TNNI3K: variants seen among roughly 807,000 people sequenced by gnomAD.
TNNI3K encodes TNNI3 interacting kinase, also known as serine/threonine-protein kinase TNNI3K.
A neutral mutation model predicts 114.5 loss-of-function variants in TNNI3K; 140 were observed. That is an observed-to-expected ratio of 1.22 (90% confidence interval 1.07 to 1.41). The LOEUF is 1.41. Ranked by LOEUF, TNNI3K falls within the 40% of genes most tolerant of loss-of-function variation. The probability of loss-of-function intolerance (pLI) is 0.00; values close to 1 mark genes in which losing one functional copy is unlikely to be tolerated. For synonymous variants in TNNI3K, 347 were observed against 347.5 expected, an observed-to-expected ratio of 1.00 and a Z score of 0.02; for missense variants, 1,125 against 1,007.6, an observed-to-expected ratio of 1.12 and a Z score of -1.58.
At chr1:74,376,601 T>C (rs1309986596) in intron 17 of TNNI3K, 2 of 152,040 alleles carry the variant, frequency 1.3e-5, no homozygotes, top group Non-Finnish European at 2.9e-5. Context: ...ACAAGTAGCA[T>C]TTTAAATTTT....
intron 13 of TNNI3K, 68 bp downstream of exon 13, chr1:74,368,032 T>C: frequency 7.0e-7 from 1 of 1,424,916 alleles, no homozygotes; most frequent in Non-Finnish European, 9.4e-7. Context: ...AATGTAATTT[T>C]CAATTTTGTT....
chr1:74,528,353 G>A (rs1646534630), intron 23 of TNNI3K, among the ~76,000 whole-genome samples: 1 of 152,148 alleles, frequency 6.6e-6, no homozygotes. Context: ...CCCCAGGTAA[G>A]TGAGGAGCGG....
At chr1:74,433,409 G>A (rs533412689) in intron 17 of TNNI3K, among the ~76,000 whole-genome samples, 14 of 152,162 alleles carry the variant, frequency 9.2e-5, no homozygotes, top group Non-Finnish European at 1.8e-4. Flanking sequence ...TAGGAAGCAC[G>A]GCTTACTTCA....
intron 5 of TNNI3K, among the ~76,000 whole-genome samples, chr1:74,313,748 C>A (rs1659127172): frequency 6.6e-6 from 1 of 151,960 alleles, no homozygotes; most frequent in Admixed American, 6.6e-5. Context: ...AAAAGCTATT[C>A]TCTGTACTCT....
chr1:74,533,581 T>C (rs1328318662), intron 23 of TNNI3K, among the ~76,000 whole-genome samples: 1 of 152,160 alleles, frequency 6.6e-6, no homozygotes, highest in East Asian at 1.9e-4. Flanking sequence ...CAAAGGACTA[T>C]AAATCATGCT....
In TNNI3K at chr1:74,367,961, A is replaced by C. The variant is rs201637938; in HGVS notation, c.1318A>C (p.Lys440Gln). Reference protein sequence around the residue: ...SPLGKIKSMTKEKADILLLRA... With the variant: ...SPLGKIKSMTQEKADILLLRA... ...CTTGGGGAAGATTAAAAGCATGACA[A>C]AAGGTACCTATAATCTGGGACAATT... Residue 440 changes from lysine (K) to glutamine (Q), a missense_variant, in exon 13 of 25, where the codon AAA becomes CAA. Transcript: ENST00000326637. 1.1e-4 allele frequency: 172 copies of C among 1,563,608 alleles called. No individual in the cohort carries two copies. Among genetic ancestry groups the C allele is most frequent in the Non-Finnish European group, 1.5e-4 (172 of 1,160,690 alleles).
intron 5 of TNNI3K, among the ~76,000 whole-genome samples, chr1:74,276,356 C>T (rs1656686266): frequency 6.6e-6 from 1 of 151,880 alleles, no homozygotes; most frequent in Non-Finnish European, 1.5e-5. Flanking sequence ...AGAGAATCTC[C>T]CCGGAGACTT....
intron 17 of TNNI3K, among the ~76,000 whole-genome samples, chr1:74,432,412 A>G (rs1665941539): frequency 6.6e-6 from 1 of 152,106 alleles, no homozygotes; most frequent in African/African-American, 2.4e-5. Context: ...CTTTTGAAGG[A>G]AAAGAAGTCT....
intron 4 of TNNI3K, among the ~76,000 whole-genome samples, chr1:74,270,464 ATATT>A (rs1656275056): frequency 6.6e-6 from 1 of 151,828 alleles, no homozygotes. Flanking sequence ...TGAAGATGCA[ATATT>A]TATTTCACTT....
chr1:74,296,839 C>G (rs1232655755), intron 5 of TNNI3K, among the ~76,000 whole-genome samples: 1 of 152,022 alleles, frequency 6.6e-6, no homozygotes, highest in Non-Finnish European at 1.5e-5. Flanking sequence ...TTTAAAAAAT[C>G]TTGCTATTTT....
At chr1:74,542,940 TG>T (rs1158704162) in intron 24 of TNNI3K, among the ~76,000 whole-genome samples, 8 of 152,146 alleles carry the variant, frequency 5.3e-5, no homozygotes, top group African/African-American at 1.9e-4. Flanking sequence ...CAAATGCCAC[TG>T]GTATTTAGAC....
At chr1:74,458,531 C>G (rs1667321276) in intron 20 of TNNI3K, among the ~76,000 whole-genome samples, 1 of 152,090 alleles carries the variant, frequency 6.6e-6, no homozygotes, top group Non-Finnish European at 1.5e-5. Flanking sequence ...AGTAATTTAC[C>G]TGCTCATGTT....
At chr1:74,241,798 A>G (rs1301908482) in intron 2 of TNNI3K, among the ~76,000 whole-genome samples, 1 of 148,246 alleles carries the variant, frequency 6.7e-6, no homozygotes, top group Non-Finnish European at 1.5e-5. Flanking sequence ...CCATTTGTCA[A>G]TTTTGGCTTT....
chr1:74,318,446 G>C (rs1659435784), intron 5 of TNNI3K, among the ~76,000 whole-genome samples: 1 of 152,140 alleles, frequency 6.6e-6, no homozygotes, highest in African/African-American at 2.4e-5. Flanking sequence ...GTCTAAGAAG[G>C]CTTTATGAAG....
chr1:74,288,853 A>G (rs1029462047), intron 5 of TNNI3K, among the ~76,000 whole-genome samples: 9 of 152,072 alleles, frequency 5.9e-5, no homozygotes, highest in African/African-American at 1.9e-4. Flanking sequence ...GTATATATAA[A>G]TCAGTCAAAG....
chr1:74,279,464 C>A (rs1348427524), intron 5 of TNNI3K, among the ~76,000 whole-genome samples: 1 of 152,144 alleles, frequency 6.6e-6, no homozygotes, highest in Non-Finnish European at 1.5e-5. Context: ...CTACCTCAGA[C>A]CTGCCTATAA....
intron 21 of TNNI3K, chr1:74,471,267 CT>C: frequency 5.0e-6 from 2 of 400,706 alleles, no homozygotes; most frequent in Non-Finnish European, 8.8e-6. Flanking sequence ...GAGGCAGCCT[CT>C]TTGAAGTGAG....
rs1229071999 is a variant in TNNI3K at position 74,420,515 on chromosome 1, C to T, written c.1773-15565C>T. Among the ~76,000 whole-genome samples the T allele has an allele frequency of 3.9e-5, 6 of 152,216 alleles. No individual in the cohort carries two copies. The East Asian group carries it at 9.7e-4, about 25-fold the overall frequency. Reference sequence around the variant, plus strand: ...GCTATGTTTTGCCAAGCTCTCACAGCTTTCTCAAAGCTTTCAAAATTATTA... The same window carrying T: ...GCTATGTTTTGCCAAGCTCTCACAGTTTTCTCAAAGCTTTCAAAATTATTA... On this transcript the variant is annotated intron_variant, in intron 17 of 24. Coordinates refer to ENST00000326637, the MANE Select transcript of TNNI3K (RefSeq NM_015978.3).
intron 11 of TNNI3K, 81 bp downstream of exon 11, chr1:74,354,210 T>C (rs999044100): frequency 1.3e-6 from 2 of 1,573,120 alleles, no homozygotes; most frequent in African/African-American, 2.7e-5. Context: ...ATAATTACTT[T>C]GCTTGCATGA....
Sources: gnomAD v4.1 joint callset for allele counts (sites outside exome capture counted in the v4.1 genomes callset) on GRCh38, gnomAD v4.1.1 for gene constraint, MANE v1.5 for transcripts, NCBI Gene and HGNC (gene_info 2026-07-23, HGNC 2026-07-21) for gene names.